The following RAB11FIP3 variants were observed in gnomAD, a reference collection of about 807,000 sequenced individuals.
RAB11FIP3 encodes the protein rab11 family-interacting protein 3.
A neutral mutation model predicts 77.8 loss-of-function variants in RAB11FIP3; 17 were observed. The ratio of observed to expected loss-of-function variants is 0.22; its 90% CI spans 0.15 to 0.33. The LOEUF is 0.33. Ranked by LOEUF, RAB11FIP3 falls within the 10% of genes least tolerant of loss-of-function variation. RAB11FIP3 has a pLI of 1.00. For synonymous variants in RAB11FIP3, 437 were observed against 448.2 expected, an observed-to-expected ratio of 0.98 and a Z score of 0.31; for missense variants, 1,005 against 1,011.2, an observed-to-expected ratio of 0.99 and a Z score of 0.08.
chr16:462,504 G>A (rs888737400), intron 2 of RAB11FIP3, among the ~76,000 whole-genome samples: 1 of 152,122 alleles, frequency 6.6e-6, no homozygotes, highest in South Asian at 2.1e-4. Context: ...CAAGGCTGAG[G>A]TGCTGGGATT....
chr16:447,761 C>T (rs1007942931), intron 1 of RAB11FIP3, among the ~76,000 whole-genome samples: 2 of 152,100 alleles, frequency 1.3e-5, no homozygotes, highest in Non-Finnish European at 2.9e-5. Flanking sequence ...AAGACTAAAA[C>T]GTATAAATTA....
intron 5 of RAB11FIP3, among the ~76,000 whole-genome samples, chr16:493,793 C>G (rs12929892): frequency 0.023 from 3,304 of 144,942 alleles, 51 homozygotes; most frequent in Non-Finnish European, 0.032. Flanking sequence ...TTTTAGTAGA[C>G]ACGGGGTTTC....
intron 6 of RAB11FIP3, among the ~76,000 whole-genome samples, chr16:500,421 G>A (rs954367066): frequency 4.6e-5 from 7 of 152,108 alleles, no homozygotes; most frequent in Non-Finnish European, 1.0e-4. Flanking sequence ...GGTGGTTCAC[G>A]CCTGTACTCC....
intron 5 of RAB11FIP3, among the ~76,000 whole-genome samples, chr16:492,507 C>CCCGT (rs1310076861): frequency 1.1e-4 from 6 of 56,278 alleles, no homozygotes; most frequent in Admixed American, 3.3e-4. Flanking sequence ...CCCGAGGCCG[C>CCCGT]CCAGGGCCCT....
chr16:436,738 G>A (rs1210530269), intron 1 of RAB11FIP3, among the ~76,000 whole-genome samples: 1 of 152,128 alleles, frequency 6.6e-6, no homozygotes, highest in Non-Finnish European at 1.5e-5. Flanking sequence ...CGAAAGTGCT[G>A]GGATTACAGA....
At position 472,393 on chromosome 16, in the gene RAB11FIP3, C is replaced by T. The variant is rs2055825265; in HGVS notation, c.903+1004C>T. Among the ~76,000 whole-genome samples, 1 of 152,164 alleles carries T rather than the reference C, an allele frequency of 6.6e-6. No individual in the cohort carries two copies. On this transcript the variant is annotated intron_variant, in intron 3 of 13. Transcript: ENST00000262305. This position sits in a 1 kb window ranked among gnomAD's most constrained non-coding sequence, Gnocchi z 4.1. ...CGCCCACCGTGGGTCCCATGTTTGG[C>T]CTTGGTGTGCTCTTTCTGCACGTGA...
At position 497,109 on chromosome 16, in the gene RAB11FIP3, T is replaced by C. The variant is rs1461459983; in HGVS notation, c.1301+250T>C. The C allele has an allele frequency of 1.6e-5, 9 of 555,002 alleles. No individual in the cohort carries two copies. The East Asian group carries it at 2.5e-4, about 16-fold the overall frequency. 34.4% of individuals were successfully genotyped at this position (555,002 alleles called of 1,614,324 possible). Reference sequence around the variant, plus strand: ...AGCTTTTGGTGCTGGGCCTCTTGTGTGTTCACTAAGGTCTGGAAGGGGCCG... The same window carrying C: ...AGCTTTTGGTGCTGGGCCTCTTGTGCGTTCACTAAGGTCTGGAAGGGGCCG... On this transcript the variant is annotated intron_variant, in intron 6 of 13. Transcript: ENST00000262305.
chr16:499,498 T>TA (rs1410214282), intron 6 of RAB11FIP3, among the ~76,000 whole-genome samples: 1 of 151,854 alleles, frequency 6.6e-6, no homozygotes, highest in Non-Finnish European at 1.5e-5. Flanking sequence ...CCCTTTGGCA[T>TA]AAAAAAAGCC....
At chr16:466,522 C>A (rs778661090) in intron 2 of RAB11FIP3, among the ~76,000 whole-genome samples, 1 of 152,150 alleles carries the variant, frequency 6.6e-6, no homozygotes, top group African/African-American at 2.4e-5. Context: ...GCCCACCAAG[C>A]AAAATGAAGC....
At chr16:475,848 TA>T (rs1336598793) in intron 3 of RAB11FIP3, among the ~76,000 whole-genome samples, 3 of 151,916 alleles carry the variant, frequency 2.0e-5, no homozygotes, top group African/African-American at 7.3e-5. Flanking sequence ...CGGCTTACTT[TA>T]TTTTTTATTT....
intron 1 of RAB11FIP3, among the ~76,000 whole-genome samples, chr16:458,852 T>C (rs977097584): frequency 6.6e-6 from 1 of 152,214 alleles, no homozygotes; most frequent in East Asian, 1.9e-4. Flanking sequence ...TTTTCTCTTT[T>C]GCTGTTCTTG....
chr16:483,303 C>T (rs928823001), intron 4 of RAB11FIP3, among the ~76,000 whole-genome samples: 12 of 152,198 alleles, frequency 7.9e-5, no homozygotes, highest in Non-Finnish European at 1.6e-4. Flanking sequence ...AATTCTCAGC[C>T]TTCAGCCAAC....
chr16:435,937 G>A (rs150393143), intron 1 of RAB11FIP3, among the ~76,000 whole-genome samples: 3 of 152,264 alleles, frequency 2.0e-5, no homozygotes, highest in East Asian at 1.9e-4. Flanking sequence ...TTATGAAGAT[G>A]GGCTATTTTT....
chr16:440,833 A>G (rs1418005946), intron 1 of RAB11FIP3, among the ~76,000 whole-genome samples: 1 of 152,204 alleles, frequency 6.6e-6, no homozygotes, highest in Non-Finnish European at 1.5e-5. Flanking sequence ...CAGGAAGTGA[A>G]GAGGTGAGAA....
At chr16:519,250 G>T in intron 10 of RAB11FIP3, 1 of 566,634 alleles carries the variant, frequency 1.8e-6, no homozygotes. Flanking sequence ...CTCTGAATCT[G>T]GGAATTGTCC....
intron 3 of RAB11FIP3, chr16:477,555 C>T: frequency 1.1e-6 from 1 of 919,664 alleles, no homozygotes; most frequent in Non-Finnish European, 1.3e-6. Flanking sequence ...GCCACTCCCG[C>T]CTTTTCCTGC....
At chr16:470,166 T>G (rs2055784208) in intron 2 of RAB11FIP3, among the ~76,000 whole-genome samples, 1 of 151,970 alleles carries the variant, frequency 6.6e-6, no homozygotes. Flanking sequence ...CCAGCTAATT[T>G]TTACTATTTT....
intron 4 of RAB11FIP3, among the ~76,000 whole-genome samples, chr16:485,946 G>A (rs966864599): frequency 3.3e-5 from 5 of 152,132 alleles, no homozygotes; most frequent in Admixed American, 3.3e-4. Flanking sequence ...GTGTCACCCA[G>A]GCTGCAGTGC....
chr16:436,758 C>T (rs939847983), intron 1 of RAB11FIP3, among the ~76,000 whole-genome samples: 7 of 152,146 alleles, frequency 4.6e-5, no homozygotes, highest in African/African-American at 1.7e-4. Context: ...ATATGAGCTA[C>T]CGCGCCCAGC....
Sources: gnomAD v4.1 joint callset for allele counts (sites outside exome capture counted in the v4.1 genomes callset) on GRCh38, gnomAD v4.1.1 for gene constraint, Gnocchi (gnomAD v3.1) non-coding constraint, MANE v1.5 for transcripts, NCBI Gene and HGNC (gene_info 2026-07-23, HGNC 2026-07-21) for gene names.